The following EFNA5 variants were observed in gnomAD, a reference collection of about 807,000 sequenced individuals.
The protein encoded by EFNA5 is ephrin A5.
A neutral mutation model predicts 22.9 loss-of-function variants in EFNA5; 5 were observed. The ratio of observed to expected loss-of-function variants is 0.22; its 90% confidence interval spans 0.11 to 0.46. The LOEUF (loss-of-function observed/expected upper bound fraction) is 0.46, where lower values mean the gene tolerates loss of function less well. Ranked by LOEUF, EFNA5 falls within the 20% of genes least tolerant of loss-of-function variation. The pLI is 0.99. For synonymous variants in EFNA5, 113 were observed against 112.2 expected (o/e 1.01, Z -0.04); for missense variants, 237 against 293.3 (o/e 0.81, Z 1.40).
chr5:107,409,980 C>G (rs746544213), intron 2 of EFNA5, among the ~76,000 whole-genome samples: 1 of 149,790 alleles, frequency 6.7e-6, no homozygotes, highest in African/African-American at 2.5e-5. Flanking sequence ...GACTTAAAAC[C>G]GGTCTTGTAG....
chr5:107,531,384 G>A (rs1282599149), intron 1 of EFNA5, among the ~76,000 whole-genome samples: 2 of 152,202 alleles, frequency 1.3e-5, no homozygotes, highest in Admixed American at 1.3e-4. Flanking sequence ...ACTGACAAAT[G>A]AAAGGGGCAG....
intron 1 of EFNA5, among the ~76,000 whole-genome samples, chr5:107,466,506 T>C (rs1749987468): frequency 6.6e-6 from 1 of 152,146 alleles, no homozygotes; most frequent in Non-Finnish European, 1.5e-5. Flanking sequence ...AGAACAAGGC[T>C]GATGTCACGG....
rs112044497 is a variant in EFNA5 at position 107,461,934 on chromosome 5, C to T, written c.126-34425G>A. On this transcript the variant is annotated intron_variant, in intron 1 of 4. Coordinates refer to ENST00000333274, the MANE Select transcript of EFNA5 (RefSeq NM_001962.3). The stretch of plus-strand genomic sequence containing the variant: ...ATACTTGTACATGTTTTCAAAGGGC[C>T]CCGAAAGCAGCCCGGTACTTTCTGC... Among the ~76,000 whole-genome samples the T allele has an allele frequency of 1.6e-4, 24 of 152,198 alleles. 1 individual carries two copies. Among genetic ancestry groups the T allele is most frequent in the African/African-American group, 4.8e-4 (20 of 41,532 alleles).
intron 1 of EFNA5, among the ~76,000 whole-genome samples, chr5:107,656,000 C>T (rs957264764): frequency 1.3e-5 from 2 of 152,116 alleles, no homozygotes; most frequent in Non-Finnish European, 2.9e-5. Context: ...CAGAAAAATC[C>T]AAGGATCCCA....
chr5:107,379,871 A>T lies in EFNA5; in HGVS notation c.*1384T>A, dbSNP rs1043637721. 1 of 152,174 alleles carries T rather than the reference A, an allele frequency of 6.6e-6. No individual in the cohort carries two copies. Among genetic ancestry groups the T allele is most frequent in the Non-Finnish European group, 1.5e-5 (1 of 68,036 alleles). 9.4% of individuals were successfully genotyped at this position (152,174 alleles called of 1,614,324 possible). A position where few individuals can be genotyped will look rare whatever the true frequency, so the allele number is the denominator to read the frequency against. On this transcript the variant is annotated 3_prime_UTR_variant, in exon 5 of 5. Transcript: ENST00000333274. ...TATATACTCACTCTCAGCATAAAGT[A>T]TATCTAAATAATGTATTTTCTATTC...
chr5:107,420,635 A>T (rs578143708), intron 2 of EFNA5, among the ~76,000 whole-genome samples: 28 of 151,912 alleles, frequency 1.8e-4, no homozygotes, highest in Middle Eastern at 3.4e-3. Flanking sequence ...TTATTTTTTT[A>T]AAGTACTAAA....
At chr5:107,653,578 C>T (rs1289925496) in intron 1 of EFNA5, among the ~76,000 whole-genome samples, 2 of 152,172 alleles carry the variant, frequency 1.3e-5, no homozygotes, top group Non-Finnish European at 2.9e-5. Flanking sequence ...CCAAGCACAA[C>T]TCAACAGGGG....
In EFNA5 at chr5:107,418,407, A is replaced by G. The variant is rs561837359; in HGVS notation, c.418+8810T>C. The stretch of plus-strand genomic sequence containing the variant: ...GCTTCCCTGTGAAATTACACAATTA[A>G]TCAGTTGCATTATTTCTTTAGGAGA... On this transcript the variant is annotated intron_variant, in intron 2 of 4. Coordinates refer to ENST00000333274, the MANE Select transcript of EFNA5 (RefSeq NM_001962.3). 2.6e-5 allele frequency among the ~76,000 whole-genome samples: 4 copies of G among 152,360 alleles called. No individual in the cohort carries two copies. In the South Asian group the frequency reaches 8.3e-4, roughly 32 times the overall value.
intron 1 of EFNA5, among the ~76,000 whole-genome samples, chr5:107,659,496 C>CTTTTTTTTTTTTTT (rs550340874): frequency 7.7e-6 from 1 of 129,270 alleles, no homozygotes; most frequent in Non-Finnish European, 1.7e-5. Context: ...TTGGGTTTTC[C>CTTTTTTTTTTTTTT]TTTTTTTTTT....
intron 2 of EFNA5, among the ~76,000 whole-genome samples, chr5:107,389,386 A>G (rs955484373): frequency 6.6e-6 from 1 of 152,220 alleles, no homozygotes; most frequent in Non-Finnish European, 1.5e-5. Flanking sequence ...ATTCATTAGG[A>G]AAACCACGGG....
chr5:107,547,225 C>A (rs1748183468), intron 1 of EFNA5, among the ~76,000 whole-genome samples: 1 of 152,172 alleles, frequency 6.6e-6, no homozygotes, highest in African/African-American at 2.4e-5. Context: ...AGAAAAGATA[C>A]AACTTCCTTC....
chr5:107,563,368 C>T (rs1406172430), intron 1 of EFNA5, among the ~76,000 whole-genome samples: 1 of 152,066 alleles, frequency 6.6e-6, no homozygotes, highest in Non-Finnish European at 1.5e-5. Flanking sequence ...TGGTCAGATG[C>T]TTTCTTTCTC....
At chr5:107,471,339 T>C (rs1750136752) in intron 1 of EFNA5, among the ~76,000 whole-genome samples, 1 of 152,150 alleles carries the variant, frequency 6.6e-6, no homozygotes, top group Non-Finnish European at 1.5e-5. Flanking sequence ...CTTTCTTCAG[T>C]GGTTAAGTTC....
chr5:107,593,567 G>C (rs1199889439), intron 1 of EFNA5, among the ~76,000 whole-genome samples: 1 of 152,144 alleles, frequency 6.6e-6, no homozygotes, highest in Non-Finnish European at 1.5e-5. Flanking sequence ...CACCTAGGGA[G>C]CTTTCAAAAC....
At chr5:107,407,714 T>C (rs1189753537) in intron 2 of EFNA5, among the ~76,000 whole-genome samples, 1 of 152,212 alleles carries the variant, frequency 6.6e-6, no homozygotes. Flanking sequence ...GTTGAACTTT[T>C]TATTTGCTGA....
At chr5:107,484,787 G>A (rs912259139) in intron 1 of EFNA5, among the ~76,000 whole-genome samples, 8 of 147,126 alleles carry the variant, frequency 5.4e-5, no homozygotes, top group Non-Finnish European at 1.2e-4. Context: ...AACTGTGATA[G>A]TTATGATTTT....
At chr5:107,516,201 T>TGTGTGTGCGC (rs1561419594) in intron 1 of EFNA5, among the ~76,000 whole-genome samples, 145 of 151,758 alleles carry the variant, frequency 9.6e-4, no homozygotes, top group African/African-American at 3.3e-3. Context: ...TGTGTGTGTG[T>TGTGTGTGCGC]GTGTGTGTGT....
intron 1 of EFNA5, among the ~76,000 whole-genome samples, chr5:107,479,160 GT>G (rs1340362304): frequency 6.6e-6 from 1 of 152,182 alleles, no homozygotes; most frequent in Non-Finnish European, 1.5e-5. Flanking sequence ...AAGCAGCACT[GT>G]TCATTTCTTA....
intron 1 of EFNA5, among the ~76,000 whole-genome samples, chr5:107,645,768 A>G (rs1450051396): frequency 6.6e-6 from 1 of 152,252 alleles, no homozygotes; most frequent in South Asian, 2.1e-4. Flanking sequence ...TAAAACAACA[A>G]TAAAAGACTT....
Sources: allele counts gnomAD v4.1 joint callset (sites outside exome capture counted in the v4.1 genomes callset), GRCh38; gene constraint gnomAD v4.1.1; transcripts MANE v1.5; gene names NCBI Gene and HGNC (gene_info 2026-07-23, HGNC 2026-07-21).